Variants in EPB41L1 observed in about 807,000 individuals in gnomAD.
The protein encoded by EPB41L1 is erythrocyte membrane protein band 4.1 like 1.
In EPB41L1, 29 loss-of-function variants were observed where a neutral mutation model predicts 97.8. That is an observed-to-expected ratio of 0.30 (90% confidence interval 0.22 to 0.40). The LOEUF (loss-of-function observed/expected upper bound fraction) is 0.40, where lower values mean the gene tolerates loss of function less well. EPB41L1 is among the 10% of genes least tolerant of loss of function. The probability of loss-of-function intolerance (pLI) is 1.00; values close to 1 mark genes in which losing one functional copy is unlikely to be tolerated. For synonymous variants in EPB41L1, 383 were observed against 459.2 expected (o/e 0.83, Z 2.12); for missense variants, 812 against 1,162.3 (o/e 0.70, Z 4.38).
At chr20:36,125,673 G>A in intron 2 of EPB41L1, 1 of 1,268,176 alleles carries the variant, frequency 7.9e-7, no homozygotes, top group Non-Finnish European at 1.1e-6. Context: ...TGGCAGGTGG[G>A]TCCAGCTCCT....
intron 12 of EPB41L1, among the ~76,000 whole-genome samples, chr20:36,194,851 C>T (rs1203317460): frequency 2.0e-5 from 3 of 152,168 alleles, no homozygotes; most frequent in African/African-American, 7.2e-5. Context: ...ACCTCAGCCT[C>T]ACACTCACTT....
At chr20:36,168,322 T>C (rs2060824593) in intron 1 of EPB41L1, among the ~76,000 whole-genome samples, 1 of 152,248 alleles carries the variant, frequency 6.6e-6, no homozygotes, top group Admixed American at 6.5e-5. Context: ...TTCTCTTTTC[T>C]AATCCTGTGC....
chr20:36,225,780 C>T (rs2064110440), intron 21 of EPB41L1, among the ~76,000 whole-genome samples: 1 of 152,108 alleles, frequency 6.6e-6, no homozygotes, highest in Non-Finnish European at 1.5e-5. Flanking sequence ...CCCCCAGGCT[C>T]CCGCCTTCCC....
At chr20:36,106,685 A>G (rs2058201325) in intron 1 of EPB41L1, among the ~76,000 whole-genome samples, 1 of 152,256 alleles carries the variant, frequency 6.6e-6, no homozygotes, top group Non-Finnish European at 1.5e-5. Flanking sequence ...TTTACCTTCG[A>G]GGCTTAGCTC....
Position 36,212,456 on chromosome 20 carries a change from C to T in EPB41L1, c.2184+80C>T, listed in dbSNP as rs373286852. The T allele has an allele frequency of 8.6e-7, 1 of 1,165,854 alleles. No homozygotes were observed. The allele number at this position is 1,165,854 out of a possible 1,614,324, so 72.2% of individuals were successfully genotyped here. On this transcript the variant is annotated intron_variant, in intron 16 of 21. Transcript: ENST00000338074. The surrounding 1 kb of genome is among the most constrained non-coding windows in gnomAD (Gnocchi z 4.8). ...GGGTCCCCACTGCTGTGGCCAAACC[C>T]CTTGGCCAGCTCTTTTAATCTCAGC... is the stretch of plus-strand genomic sequence containing the variant.
intron 2 of EPB41L1, among the ~76,000 whole-genome samples, chr20:36,138,119 G>A (rs569270047): frequency 1.3e-5 from 2 of 152,132 alleles, no homozygotes; most frequent in South Asian, 2.1e-4. Flanking sequence ...CTCATCTGTC[G>A]ATGGACACTT....
chr20:36,138,648 A>G (rs1424448524), intron 2 of EPB41L1, among the ~76,000 whole-genome samples: 1 of 152,188 alleles, frequency 6.6e-6, no homozygotes, highest in African/African-American at 2.4e-5. Flanking sequence ...GCCTCACTCA[A>G]TCCCTGCGTC....
At chr20:36,144,401 G>A (rs1173499149) in intron 2 of EPB41L1, among the ~76,000 whole-genome samples, 4 of 152,166 alleles carry the variant, frequency 2.6e-5, no homozygotes, top group African/African-American at 7.2e-5. Context: ...GGCTGGCATG[G>A]ATCCAACTGA....
Position 36,173,846 on chromosome 20 carries a change from G to A in EPB41L1, c.69G>A (p.Glu23=), listed in dbSNP as rs369402278. ...AGGAGGAGGCCCCGCAGCAGCCCGA[G>A]GCTGCTGCCGCTGTGACCACCCCTG... ...KAQEEAPQQP[E]AAAAVTTPVT... is the part of the protein sequence containing the mutation. The change falls in exon 2 of 22, where the codon GAG becomes GAA. Residue 23 remains glutamate, a synonymous_variant. Transcript: ENST00000338074. The A allele has an allele frequency of 6.2e-7, 1 of 1,613,352 alleles. No homozygotes were observed. The highest frequency in any genetic ancestry group is 1.1e-5 in the South Asian group (1 of 91,072).
chr20:36,217,089 C>G (rs1319262211), intron 17 of EPB41L1, among the ~76,000 whole-genome samples: 1 of 152,166 alleles, frequency 6.6e-6, no homozygotes, highest in East Asian at 1.9e-4. Flanking sequence ...AGTTGGAGAA[C>G]TGCTGATGTA....
Position 36,193,517 on chromosome 20 carries a change from A to G in EPB41L1, c.1301-695A>G, listed in dbSNP as rs148132769. Among the ~76,000 whole-genome samples the G allele has an allele frequency of 4.4e-3, 670 of 152,346 alleles. 3 individuals carry two copies. Among genetic ancestry groups the G allele is most frequent in the Middle Eastern group, 0.037 (11 of 294 alleles). On this transcript the variant is annotated intron_variant, in intron 11 of 21. Coordinates refer to ENST00000338074, the MANE Select transcript of EPB41L1 (RefSeq NM_012156.2). ...TTCTACCAAGACACAATCCACGGGC[A>G]TAGTCGGATTATGCCCAATGCGTGA...
chr20:36,199,545 T>G (rs971337408), intron 14 of EPB41L1, among the ~76,000 whole-genome samples: 1 of 152,178 alleles, frequency 6.6e-6, no homozygotes, highest in African/African-American at 2.4e-5. Context: ...AGAGAGCTAC[T>G]GGGGTGGCTT....
chr20:36,114,902 AC>A, intron 2 of EPB41L1, among the ~76,000 whole-genome samples: 1 of 152,138 alleles, frequency 6.6e-6, no homozygotes, highest in South Asian at 2.1e-4. Context: ...AGCACCAGAC[AC>A]CGGGGGAGTA....
Position 36,214,049 on chromosome 20 carries a change from G to A in EPB41L1, c.2185-308G>A, listed in dbSNP as rs145300449. 5.9e-5 allele frequency among the ~76,000 whole-genome samples: 9 copies of A among 152,084 alleles called. No homozygotes were observed. In the East Asian group the frequency reaches 7.7e-4, roughly 13 times the overall value. On this transcript the variant is annotated intron_variant, in intron 16 of 21. Transcript: ENST00000338074. ...GTGAATTTCCTTGCTCATACTTCTC[G>A]GTGAGCTTTTCAAAGGTTATATCCA...
In EPB41L1 at chr20:36,212,216, A is replaced by G; in HGVS notation, c.2080-56A>G. ...AGACACCACACTGCAATTGTCTGTG[A>G]GCAAGGGTCATGCTAGGGTTTCAGT... On this transcript the variant is annotated intron_variant, in intron 15 of 21. Coordinates refer to ENST00000338074, the MANE Select transcript of EPB41L1 (RefSeq NM_012156.2). This position sits in a 1 kb window ranked among gnomAD's most constrained non-coding sequence, Gnocchi z 4.8. 7.1e-6 allele frequency: 11 copies of G among 1,553,496 alleles called. 1 individual carries two copies. In the South Asian group the frequency reaches 1.2e-4, roughly 17 times the overall value.
intron 21 of EPB41L1, among the ~76,000 whole-genome samples, chr20:36,229,063 C>A (rs2064356330): frequency 6.6e-6 from 1 of 152,050 alleles, no homozygotes; most frequent in African/African-American, 2.4e-5. Flanking sequence ...GCAATAGCTA[C>A]TCACAGGCAT....
Position 36,173,809 on chromosome 20 carries a change from T to A in EPB41L1, c.32T>A (p.Val11Glu), listed in dbSNP as rs778792843. The A allele has an allele frequency of 3.1e-6, 5 of 1,613,808 alleles. No individual in the cohort carries two copies. The South Asian group carries it at 4.4e-5, about 14-fold the overall frequency. MTTETGPDSE[V>E]KKAQEEAPQQ... ...ACAGAGACAGGCCCCGACTCTGAGG[T>A]GAAGAAAGCTCAGGAGGAGGCCCCG... The change falls in exon 2 of 22, where the codon GTG becomes GAG. Residue 11 changes from valine to glutamate, a missense_variant. Val to Glu is a moderately radical substitution (Grantham distance 121). Around this residue, in one of 3 missense-constraint regions of EPB41L1, gnomAD observed 84 missense variants for 94.3 expected, o/e 0.89. Transcript: ENST00000338074.
chr20:36,184,278 T>G (rs2061590486), intron 6 of EPB41L1, among the ~76,000 whole-genome samples: 1 of 151,104 alleles, frequency 6.6e-6, no homozygotes, highest in Non-Finnish European at 1.5e-5. Context: ...TGAAAAAAAA[T>G]GGTGAAACAT....
At chr20:36,112,118 C>T (rs1054876287) in intron 1 of EPB41L1, among the ~76,000 whole-genome samples, 1 of 152,192 alleles carries the variant, frequency 6.6e-6, no homozygotes, top group Non-Finnish European at 1.5e-5. Flanking sequence ...GATGTTCCTG[C>T]AGCTTCCCCT....
Sources: gnomAD v4.1 joint callset for allele counts (sites outside exome capture counted in the v4.1 genomes callset) on GRCh38, gnomAD v4.1.1 for gene constraint, gnomAD v4.1.1 regional missense constraint, Gnocchi (gnomAD v3.1) non-coding constraint, MANE v1.5 for transcripts, NCBI Gene and HGNC (gene_info 2026-07-23, HGNC 2026-07-21) for gene names.